The following CACNA2D1 variants were observed in gnomAD, a reference collection of about 807,000 sequenced individuals.
The protein encoded by CACNA2D1 is voltage-dependent calcium channel subunit alpha-2/delta-1.
In CACNA2D1, 53 loss-of-function variants were observed where a neutral mutation model predicts 171.5. The observed-to-expected ratio is 0.31, with a 90% CI of 0.25 to 0.39. CACNA2D1 has a LOEUF of 0.39. CACNA2D1 is among the 10% of genes least tolerant of loss of function. The pLI is 1.00. For synonymous variants in CACNA2D1, 442 were observed against 443.1 expected (o/e 1.00, Z 0.03); for missense variants, 903 against 1,299.8 (o/e 0.69, Z 4.69).
intron 4 of CACNA2D1, among the ~76,000 whole-genome samples, chr7:82,139,577 C>T (rs1792104863): frequency 1.3e-5 from 2 of 152,070 alleles, no homozygotes; most frequent in African/African-American, 2.4e-5. Context: ...TTAAAACTGT[C>T]ATTGAAAAGG....
chr7:82,182,326 AG>A (rs2129171412), intron 3 of CACNA2D1, among the ~76,000 whole-genome samples: 1 of 152,318 alleles, frequency 6.6e-6, no homozygotes, highest in East Asian at 1.9e-4. Flanking sequence ...CACTTTAAAA[AG>A]GAAAAAATAT....
At position 82,005,507 on chromosome 7, in the gene CACNA2D1, A is replaced by T. The variant is rs2130867843; in HGVS notation, c.1516-10T>A. The T allele has an allele frequency of 1.5e-5, 6 of 391,456 alleles. No homozygotes were observed. The highest frequency in any genetic ancestry group is 2.6e-5 in the African/African-American group (1 of 38,414). 24.2% of individuals were successfully genotyped at this position (391,456 alleles called of 1,614,324 possible). A position where few individuals can be genotyped will look rare whatever the true frequency, so the allele number is the denominator to read the frequency against. On this transcript the variant is annotated splice_polypyrimidine_tract_variant and intron_variant, in intron 17 of 38. Transcript: ENST00000356860. ...ACCCATTGGGGCACAGCTGGAAAAG[A>T]AAAAAAAAAAAAAGCTTGGATATGC... is the stretch of plus-strand genomic sequence containing the variant.
chr7:82,122,857 A>T, intron 5 of CACNA2D1, among the ~76,000 whole-genome samples: 1 of 152,366 alleles, frequency 6.6e-6, no homozygotes, highest in Non-Finnish European at 1.5e-5. Context: ...ATATTATGAT[A>T]CACAAATATA....
chr7:82,126,710 A>G (rs966297129), intron 5 of CACNA2D1, among the ~76,000 whole-genome samples: 1 of 152,124 alleles, frequency 6.6e-6, no homozygotes, highest in African/African-American at 2.4e-5. Context: ...AAACTCACCA[A>G]ATCACCACAT....
At chr7:81,991,054 G>T in intron 21 of CACNA2D1, 131 bp downstream of exon 21, 1 of 566,460 alleles carries the variant, frequency 1.8e-6, no homozygotes, top group Non-Finnish European at 3.2e-6. Flanking sequence ...TTAAAAATTA[G>T]TCTATAAGTT....
At chr7:82,202,879 G>A (rs1563196971) in intron 3 of CACNA2D1, among the ~76,000 whole-genome samples, 1 of 152,112 alleles carries the variant, frequency 6.6e-6, no homozygotes, top group Admixed American at 6.6e-5. Context: ...CCTAATGAGT[G>A]ACACGCTGAC....
chr7:82,046,356 G>A (rs1201373747), intron 10 of CACNA2D1, among the ~76,000 whole-genome samples: 1 of 152,112 alleles, frequency 6.6e-6, no homozygotes, highest in Non-Finnish European at 1.5e-5. Flanking sequence ...TGACACTCAT[G>A]GAGTTGGCCA....
rs1491222972 is a variant in CACNA2D1 at position 82,172,640 on chromosome 7, T to TC, written c.295-2032_295-2031insG. Among the ~76,000 whole-genome samples the TC allele has an allele frequency of 3.4e-4, 26 of 77,282 alleles. 1 individual carries two copies. The highest frequency in any genetic ancestry group is 1.2e-3 in the African/African-American group (23 of 19,980). 50.7% of individuals were successfully genotyped at this position (77,282 alleles called of 152,430 possible). A position where few individuals can be genotyped will look rare whatever the true frequency, so the allele number is the denominator to read the frequency against. On this transcript the variant is annotated intron_variant, in intron 3 of 38. Coordinates refer to ENST00000356860, the MANE Select transcript of CACNA2D1 (RefSeq NM_000722.4). ...GCTTTTTTTTTTTTTTTTTTTTTTTTGGTAAAGATGGGGTCTCAAACTCCT... is the reference window on the plus strand; with the variant it reads ...GCTTTTTTTTTTTTTTTTTTTTTTTTCGGTAAAGATGGGGTCTCAAACTCCT...
At position 82,443,584 on chromosome 7, in the gene CACNA2D1, G is replaced by T; in HGVS notation, c.-125C>A. The T allele has an allele frequency of 6.9e-7, 1 of 1,445,626 alleles. No homozygotes were observed. The highest frequency in any genetic ancestry group is 9.1e-7 in the Non-Finnish European group (1 of 1,098,436). The allele number at this position is 1,445,626 out of a possible 1,614,324, so 89.5% of individuals were successfully genotyped here. ...CGCGGGCGTCTGGAGGGCTGGCTGC[G>T]CCCGGGGCCCGAGGCGCGGAGCCGC... On this transcript the variant is annotated 5_prime_UTR_variant, in exon 1 of 39. Coordinates refer to ENST00000356860, the MANE Select transcript of CACNA2D1 (RefSeq NM_000722.4).
chr7:82,250,031 G>A (rs1018532210), intron 3 of CACNA2D1, among the ~76,000 whole-genome samples: 2 of 152,244 alleles, frequency 1.3e-5, no homozygotes, highest in African/African-American at 4.8e-5. Flanking sequence ...TAGCACCAGC[G>A]AGGGTCTTCC....
intron 6 of CACNA2D1, among the ~76,000 whole-genome samples, chr7:82,105,242 T>G (rs1787605644): frequency 6.6e-6 from 1 of 151,976 alleles, no homozygotes; most frequent in Admixed American, 6.6e-5. Context: ...GAAAATGATT[T>G]TATATAATTT....
chr7:82,295,874 G>C (rs1342351732), intron 3 of CACNA2D1, among the ~76,000 whole-genome samples: 1 of 151,954 alleles, frequency 6.6e-6, no homozygotes, highest in Non-Finnish European at 1.5e-5. Context: ...GTCCAACAAT[G>C]ATAGACTGGA....
chr7:82,037,877 T>C (rs577504144), intron 11 of CACNA2D1, among the ~76,000 whole-genome samples, 200 bp downstream of exon 11: 2 of 152,296 alleles, frequency 1.3e-5, no homozygotes, highest in East Asian at 3.9e-4. Flanking sequence ...AACTTAAAAA[T>C]CTACATTTTA....
chr7:82,102,562 TTCACTCA>T (rs1246679699), intron 6 of CACNA2D1, among the ~76,000 whole-genome samples: 6 of 152,144 alleles, frequency 3.9e-5, no homozygotes, highest in African/African-American at 1.4e-4. Flanking sequence ...GTTGCTGTTT[TTCACTCA>T]TCCTACAACC....
rs1013891793 is a variant in CACNA2D1, at chr7:81,984,065, A to C, written c.1873+570T>G. Among the ~76,000 whole-genome samples, 2 of 152,200 alleles carry C rather than the reference A, an allele frequency of 1.3e-5. 1 individual carries two copies. Among genetic ancestry groups the C allele is most frequent in the Admixed American group, 1.3e-4 (2 of 15,278 alleles). On this transcript the variant is annotated intron_variant, in intron 22 of 38. Transcript: ENST00000356860. ...CTCTACATTCCAAATGAGGCTTAAA[A>C]AAATTAATCCATTTGCATTACTGAG...
chr7:82,120,299 C>A (rs372369739), intron 5 of CACNA2D1, among the ~76,000 whole-genome samples: 1 of 152,152 alleles, frequency 6.6e-6, no homozygotes, highest in East Asian at 1.9e-4. Context: ...ATTTCAATCT[C>A]TAAATACATC....
intron 3 of CACNA2D1, among the ~76,000 whole-genome samples, chr7:82,263,937 G>T (rs975759002): frequency 2.7e-5 from 4 of 148,892 alleles, no homozygotes; most frequent in African/African-American, 9.9e-5. Flanking sequence ...CATAATATGG[G>T]TTTTTTTTTT....
At chr7:82,244,496 G>A (rs952910466) in intron 3 of CACNA2D1, among the ~76,000 whole-genome samples, 2 of 152,164 alleles carry the variant, frequency 1.3e-5, no homozygotes, top group African/African-American at 2.4e-5. Flanking sequence ...AGACCAAACA[G>A]TGCTAACCTG....
chr7:81,969,896 C>A lies in CACNA2D1; in HGVS notation c.2293G>T (p.Ala765Ser). The change falls in exon 28 of 39, where the codon GCT (alanine) becomes TCT (serine). Residue 765 changes from alanine (A) to serine (S), a missense_variant. Physicochemically the swap from Ala to Ser is moderately conservative, Grantham distance 99. Coordinates refer to ENST00000356860, the MANE Select transcript of CACNA2D1 (RefSeq NM_000722.4). The part of the protein sequence containing the change: ...SLDNDNYVFT[A>S]PYFNKSGPGA... ...CAATACTTACTGTTAAAGTAGGGAGCAGTGAAAACATAGTTATCATTATCT... is the reference window on the plus strand; with the variant it reads ...CAATACTTACTGTTAAAGTAGGGAGAAGTGAAAACATAGTTATCATTATCT... The A allele has an allele frequency of 6.3e-7, 1 of 1,581,376 alleles. No homozygotes were observed. Among genetic ancestry groups the A allele is most frequent in the Non-Finnish European group, 8.7e-7 (1 of 1,151,390 alleles).
Sources: allele counts gnomAD v4.1 joint callset (sites outside exome capture counted in the v4.1 genomes callset), GRCh38; gene constraint gnomAD v4.1.1; transcripts MANE v1.5; gene names NCBI Gene and HGNC (gene_info 2026-07-23, HGNC 2026-07-21).